Variants in FGD6 observed in about 807,000 individuals in gnomAD.
FGD6 encodes FYVE, RhoGEF and PH domain-containing protein 6.
FGD6 carries 90 observed loss-of-function variants against 149.4 expected under a neutral mutation model. The ratio of observed to expected loss-of-function variants is 0.60; its 90% confidence interval spans 0.51 to 0.72. The LOEUF is 0.72. FGD6 is among the 30% of genes least tolerant of loss of function. The pLI, the probability that FGD6 is intolerant of heterozygous loss-of-function variation, is 0.00. For synonymous variants in FGD6, 527 were observed against 584.0 expected (o/e 0.90, Z 1.41); for missense variants, 1,437 against 1,684.8 (o/e 0.85, Z 2.57).
At chr12:95,216,377 G>A (rs1033650530) in intron 1 of FGD6, among the ~76,000 whole-genome samples, 5 of 152,100 alleles carry the variant, frequency 3.3e-5, no homozygotes, top group African/African-American at 1.2e-4. Flanking sequence ...GGACAAAAAC[G>A]TAAAATAACC....
chr12:95,107,945 A>AT (rs2136241428), intron 11 of FGD6, among the ~76,000 whole-genome samples: 1 of 152,320 alleles, frequency 6.6e-6, no homozygotes, highest in East Asian at 1.9e-4. Flanking sequence ...ATTTTCCCGA[A>AT]TTAATTCCCT....
chr12:95,105,398 T>C (rs1475924023), intron 13 of FGD6, among the ~76,000 whole-genome samples: 1 of 152,222 alleles, frequency 6.6e-6, no homozygotes, highest in Non-Finnish European at 1.5e-5. Flanking sequence ...TCTTTCTCCT[T>C]CTTTCCTAGC....
Position 95,210,421 on chromosome 12 carries a change from C to G in FGD6, c.863G>C (p.Gly288Ala). 1 of 1,614,100 alleles carries G rather than the reference C, an allele frequency of 6.2e-7. No individual in the cohort carries two copies. ...GKRSTLISSDGVSKKSEVKDL... is the reference protein window; with the variant it reads ...GKRSTLISSDAVSKKSEVKDL... ...TTTGACTTCTGATTTCTTACTAACTCCATCTGAAGATATTAAAGTACTCCT... is the reference window on the plus strand; with the variant it reads ...TTTGACTTCTGATTTCTTACTAACTGCATCTGAAGATATTAAAGTACTCCT... Residue 288 changes from glycine (G) to alanine (A), a missense_variant, in exon 2 of 21, where the codon GGA becomes GCA. By Grantham distance (60) the Gly-to-Ala change is moderately conservative. This residue lies in a region of FGD6 where 1,055 missense variants were observed against 1,146.0 expected (regional missense o/e 0.92). Transcript: ENST00000343958.
At chr12:95,158,732 T>C (rs995838812) in intron 3 of FGD6, among the ~76,000 whole-genome samples, 6 of 152,038 alleles carry the variant, frequency 3.9e-5, no homozygotes, top group African/African-American at 1.4e-4. Context: ...AATTTTAAAT[T>C]AGAAATGGGC....
chr12:95,162,338 C>A (rs537485998), intron 3 of FGD6, among the ~76,000 whole-genome samples: 1 of 152,180 alleles, frequency 6.6e-6, no homozygotes, highest in Admixed American at 6.6e-5. Context: ...ACCTGGCCAA[C>A]ATGGTGTAAC....
intron 2 of FGD6, among the ~76,000 whole-genome samples, chr12:95,184,931 T>C (rs1251238975): frequency 6.7e-6 from 1 of 149,332 alleles, no homozygotes; most frequent in African/African-American, 2.5e-5. Context: ...TGGAGTGCAG[T>C]GGTGCGATCT....
intron 8 of FGD6, among the ~76,000 whole-genome samples, chr12:95,133,336 T>A (rs1879577539): frequency 6.6e-6 from 1 of 152,166 alleles, no homozygotes; most frequent in Non-Finnish European, 1.5e-5. Context: ...GAGAATCGCT[T>A]GAACCTGGGA....
At chr12:95,212,866 C>T (rs2056735208) in intron 1 of FGD6, among the ~76,000 whole-genome samples, 1 of 152,110 alleles carries the variant, frequency 6.6e-6, no homozygotes. Context: ...GAAGAATTCC[C>T]TAAATCTCTA....
intron 8 of FGD6, among the ~76,000 whole-genome samples, chr12:95,120,342 T>TTA (rs1342404871): frequency 1.6e-4 from 25 of 151,938 alleles, no homozygotes; most frequent in African/African-American, 6.0e-4. Flanking sequence ...ATTTATTTAT[T>TTA]TTTTATTTTT....
rs1003430116 is a variant in FGD6, at chr12:95,091,618, A to C, written c.3850+89T>G. On this transcript the variant is annotated intron_variant, in intron 17 of 20. Coordinates refer to ENST00000343958, the MANE Select transcript of FGD6 (RefSeq NM_018351.4). ...GATAAGTATCAACAATCATATTGCT[A>C]ATGTACCGAAGGTGTTTCTCTCAGA... 4 of 734,058 alleles carry C rather than the reference A, an allele frequency of 5.4e-6. No individual in the cohort carries two copies. In the Admixed American group the frequency reaches 1.1e-4, roughly 21 times the overall value. 45.5% of individuals were successfully genotyped at this position (734,058 alleles called of 1,614,324 possible).
intron 14 of FGD6, among the ~76,000 whole-genome samples, chr12:95,104,731 C>A (rs1878552542): frequency 6.6e-6 from 1 of 152,040 alleles, no homozygotes; most frequent in East Asian, 1.9e-4. Flanking sequence ...GGGTGAGCTA[C>A]CACACCTGGC....
In FGD6 at chr12:95,106,148, A is replaced by G. The variant is rs147059022; in HGVS notation, c.3417+806T>C. On this transcript the variant is annotated intron_variant, in intron 13 of 20. Coordinates refer to ENST00000343958, the MANE Select transcript of FGD6 (RefSeq NM_018351.4). ...GTTGTTGTTATTATTTTTAATAGAG[A>G]TGGGGGTTTCACTGTGTTGCCCAGG... Among the ~76,000 whole-genome samples the G allele has an allele frequency of 6.0e-3, 913 of 152,220 alleles. 13 individuals carry two copies. The highest frequency in any genetic ancestry group is 0.021 in the African/African-American group (855 of 41,546).
intron 1 of FGD6, among the ~76,000 whole-genome samples, chr12:95,216,870 G>T (rs537086858): frequency 6.6e-6 from 1 of 151,794 alleles, no homozygotes; most frequent in South Asian, 2.1e-4. Flanking sequence ...TATAATAACT[G>T]ATCTATTAAC....
chr12:95,097,556 A>C (rs1878274489), intron 14 of FGD6, among the ~76,000 whole-genome samples: 1 of 148,712 alleles, frequency 6.7e-6, no homozygotes, highest in Non-Finnish European at 1.5e-5. Flanking sequence ...GAATCACCTG[A>C]ACCTGGGAGG....
intron 2 of FGD6, among the ~76,000 whole-genome samples, chr12:95,202,548 A>T (rs1381960992): frequency 8.0e-6 from 1 of 125,332 alleles, no homozygotes; most frequent in Admixed American, 7.4e-5. Flanking sequence ...TAATTCCTTT[A>T]AAAAAAATTT....
intron 8 of FGD6, among the ~76,000 whole-genome samples, chr12:95,126,740 AAAAAAG>A (rs1335073645): frequency 2.0e-5 from 3 of 151,632 alleles, no homozygotes; most frequent in African/African-American, 7.2e-5. Context: ...CAAAAAAAAA[AAAAAAG>A]AAAAAGAAAA....
intron 8 of FGD6, chr12:95,126,115 G>T: frequency 9.5e-7 from 1 of 1,052,642 alleles, no homozygotes; most frequent in Non-Finnish European, 1.5e-6. Flanking sequence ...AAGAAAATGA[G>T]GGACAGAATA....
intron 3 of FGD6, among the ~76,000 whole-genome samples, chr12:95,161,989 A>C (rs1355677050): frequency 1.3e-5 from 2 of 151,854 alleles, no homozygotes; most frequent in South Asian, 2.1e-4. Context: ...AAGGAATTAC[A>C]CAGGGCACCA....
At chr12:95,214,529 T>C (rs1463493899) in intron 1 of FGD6, among the ~76,000 whole-genome samples, 2 of 152,192 alleles carry the variant, frequency 1.3e-5, no homozygotes, top group Admixed American at 6.5e-5. Flanking sequence ...TGCATGACAT[T>C]TGGCAATAAA....
Sources: gnomAD v4.1 joint callset for allele counts (sites outside exome capture counted in the v4.1 genomes callset) on GRCh38, gnomAD v4.1.1 for gene constraint, gnomAD v4.1.1 regional missense constraint, MANE v1.5 for transcripts, NCBI Gene and HGNC (gene_info 2026-07-23, HGNC 2026-07-21) for gene names.